Variants in HTR1F observed in about 807,000 individuals in gnomAD.
HTR1F encodes 5-hydroxytryptamine receptor 1F.
A neutral mutation model predicts 24.0 loss-of-function variants in HTR1F; 17 were observed. The observed-to-expected ratio is 0.71, with a 90% CI of 0.48 to 1.06. HTR1F has a LOEUF of 1.06. Among genes scored for constraint, HTR1F ranks in the 50% least tolerant of loss-of-function variants. The pLI, the probability that HTR1F is intolerant of heterozygous loss-of-function variation, is 0.00. For synonymous variants in HTR1F, 186 were observed against 156.8 expected, an observed-to-expected ratio of 1.19 and a Z score of -1.39; for missense variants, 391 against 427.8, an observed-to-expected ratio of 0.91 and a Z score of 0.76.
chr3:87,909,212 T>C (rs1291952869), intron 2 of HTR1F, among the ~76,000 whole-genome samples: 4 of 152,148 alleles, frequency 2.6e-5, no homozygotes, highest in Admixed American at 2.0e-4. Context: ...GGAGTGGCTA[T>C]ATGGAAAAGA....
chr3:87,958,299 TG>T (rs1459756168), intron 2 of HTR1F, among the ~76,000 whole-genome samples: 1 of 151,576 alleles, frequency 6.6e-6, no homozygotes, highest in African/African-American at 2.4e-5. Context: ...GGTTGTTTTT[TG>T]TTTTTGTTTT....
intron 1 of HTR1F, among the ~76,000 whole-genome samples, chr3:87,803,751 G>A (rs1212286662): frequency 6.6e-6 from 1 of 152,132 alleles, no homozygotes; most frequent in East Asian, 1.9e-4. Flanking sequence ...ACAAACAATG[G>A]AGTAGGTAGA....
At chr3:87,920,524 T>A (rs1357282479) in intron 2 of HTR1F, among the ~76,000 whole-genome samples, 7 of 151,782 alleles carry the variant, frequency 4.6e-5, no homozygotes, top group Non-Finnish European at 7.4e-5. Flanking sequence ...AAAAAAGAAA[T>A]GATATGGAAT....
At chr3:87,940,004 G>A (rs1223444597) in intron 2 of HTR1F, among the ~76,000 whole-genome samples, 2 of 152,212 alleles carry the variant, frequency 1.3e-5, no homozygotes, top group Non-Finnish European at 2.9e-5. Context: ...AGCATGTAGT[G>A]CTATAAATTT....
Position 87,859,861 on chromosome 3 carries a change from A to G in HTR1F, c.-43+37737A>G, listed in dbSNP as rs183090096. 1.5e-3 allele frequency among the ~76,000 whole-genome samples: 226 copies of G among 152,084 alleles called. 1 individual carries two copies. Among genetic ancestry groups the G allele is most frequent in the African/African-American group, 5.0e-3 (208 of 41,364 alleles). On this transcript the variant is annotated intron_variant, in intron 2 of 2. Coordinates refer to ENST00000319595, the MANE Select transcript of HTR1F (RefSeq NM_001322209.2). Reference sequence around the variant, plus strand: ...AGTCTAGTCCTCAATAAAGCTGGGGAAAAAAAGTAGATATTTCACTCTGCA... The same window carrying G: ...AGTCTAGTCCTCAATAAAGCTGGGGGAAAAAAGTAGATATTTCACTCTGCA...
chr3:87,898,524 T>A (rs2107320504), intron 2 of HTR1F, among the ~76,000 whole-genome samples: 1 of 152,290 alleles, frequency 6.6e-6, no homozygotes, highest in Non-Finnish European at 1.5e-5. Flanking sequence ...GATAAAGGTA[T>A]AATGTTACTG....
At chr3:87,914,714 A>G (rs1376924988) in intron 2 of HTR1F, among the ~76,000 whole-genome samples, 1 of 151,942 alleles carries the variant, frequency 6.6e-6, no homozygotes. Context: ...GTCTAAGTTT[A>G]AACATGCCTA....
intron 2 of HTR1F, among the ~76,000 whole-genome samples, chr3:87,964,672 G>A (rs546526903): frequency 6.6e-6 from 1 of 152,180 alleles, no homozygotes; most frequent in African/African-American, 2.4e-5. Context: ...GGAAAGAAGA[G>A]CAAAGAAAAA....
chr3:87,817,089 G>A (rs1185746151), intron 1 of HTR1F, among the ~76,000 whole-genome samples: 6 of 152,122 alleles, frequency 3.9e-5, no homozygotes, highest in Admixed American at 2.6e-4. Context: ...ACACATGCAC[G>A]TGTGAGTGCA....
chr3:87,817,573 C>T (rs142258894), intron 1 of HTR1F, among the ~76,000 whole-genome samples: 4 of 152,158 alleles, frequency 2.6e-5, no homozygotes, highest in South Asian at 2.1e-4. Context: ...GTTGCATTAC[C>T]GAGTGCTCTG....
Position 87,991,547 on chromosome 3 carries a change from A to G in HTR1F, c.798A>G (p.Arg266=). ...TTGATAAAATTCATAGCACAGTGAGAAGTCTCAGGTCTGAATTCAAGCATG... is the reference window on the plus strand; with the variant it reads ...TTGATAAAATTCATAGCACAGTGAGGAGTCTCAGGTCTGAATTCAAGCATG... The part of the protein sequence containing the change: ...TDFDKIHSTV[R]SLRSEFKHEK... Residue 266 remains arginine, a synonymous_variant, in exon 3 of 3, where the codon AGA becomes AGG. Coordinates refer to ENST00000319595, the MANE Select transcript of HTR1F (RefSeq NM_001322209.2). 1 of 1,613,612 alleles carries G rather than the reference A, an allele frequency of 6.2e-7. No homozygotes were observed. Among genetic ancestry groups the G allele is most frequent in the South Asian group, 1.1e-5 (1 of 91,080 alleles).
At chr3:87,871,719 T>C (rs1373014851) in intron 2 of HTR1F, among the ~76,000 whole-genome samples, 1 of 152,092 alleles carries the variant, frequency 6.6e-6, no homozygotes, top group African/African-American at 2.4e-5. Flanking sequence ...CAGTGACTTA[T>C]TCAGCAGAAA....
chr3:87,810,401 C>A (rs889473509), intron 1 of HTR1F, among the ~76,000 whole-genome samples: 5 of 152,068 alleles, frequency 3.3e-5, no homozygotes, highest in African/African-American at 1.2e-4. Context: ...TCACACATTT[C>A]TGGATGTCGG....
chr3:87,899,777 A>C (rs1706282338), intron 2 of HTR1F, among the ~76,000 whole-genome samples: 1 of 152,152 alleles, frequency 6.6e-6, no homozygotes, highest in African/African-American at 2.4e-5. Context: ...AGGCAGGAGA[A>C]TCGCTTGAAC....
At chr3:87,988,230 T>C (rs1705721730) in intron 2 of HTR1F, among the ~76,000 whole-genome samples, 1 of 152,084 alleles carries the variant, frequency 6.6e-6, no homozygotes, top group Non-Finnish European at 1.5e-5. Context: ...AACCACTTTT[T>C]TAGAGTTTCT....
At chr3:87,971,824 A>C (rs1559653196) in intron 2 of HTR1F, among the ~76,000 whole-genome samples, 1 of 152,216 alleles carries the variant, frequency 6.6e-6, no homozygotes, top group Admixed American at 6.5e-5. Context: ...ATTCTTTCAT[A>C]TCAAAATATA....
At chr3:87,853,859 T>C (rs1322336296) in intron 2 of HTR1F, among the ~76,000 whole-genome samples, 5 of 152,048 alleles carry the variant, frequency 3.3e-5, no homozygotes, top group Non-Finnish European at 7.4e-5. Flanking sequence ...ACACGTATGC[T>C]TCTTTTAACG....
intron 2 of HTR1F, among the ~76,000 whole-genome samples, chr3:87,916,230 AAC>A (rs1703888426): frequency 6.6e-6 from 1 of 151,788 alleles, no homozygotes; most frequent in Non-Finnish European, 1.5e-5. Flanking sequence ...AAATCCTGGA[AAC>A]ACATCAAAAA....
intron 1 of HTR1F, among the ~76,000 whole-genome samples, chr3:87,811,441 G>T (rs1704159425): frequency 6.6e-6 from 1 of 152,146 alleles, no homozygotes; most frequent in Non-Finnish European, 1.5e-5. Flanking sequence ...TTAATAGTGG[G>T]AAGTCTTTGA....
Sources: allele counts gnomAD v4.1 joint callset (sites outside exome capture counted in the v4.1 genomes callset), GRCh38; gene constraint gnomAD v4.1.1; transcripts MANE v1.5; gene names NCBI Gene and HGNC (gene_info 2026-07-23, HGNC 2026-07-21).